The following NMU variants were observed in gnomAD, a reference collection of about 807,000 sequenced individuals.
The protein encoded by NMU is neuromedin-U.
NMU carries 29 observed loss-of-function variants against 35.4 expected under a neutral mutation model. The ratio of observed to expected loss-of-function variants is 0.82; its 90% CI spans 0.61 to 1.12. The LOEUF is 1.12. NMU is among the 50% of genes most tolerant of loss of function. NMU has a pLI of 0.00. For missense variants in NMU, 199 were observed against 206.2 expected (o/e 0.97, Z 0.21); for synonymous variants, 78 against 81.3 (o/e 0.96, Z 0.22).
At chr4:55,599,109 A>C (rs752932714) in intron 9 of NMU, 33 bp downstream of exon 9, 9 of 1,430,280 alleles carry the variant, frequency 6.3e-6, no homozygotes, top group Non-Finnish European at 8.8e-6. Context: ...ATACTATTTT[A>C]TTTATTTATT....
Position 55,600,391 on chromosome 4 carries a change from A to C in NMU, c.489+131T>G, listed in dbSNP as rs1256872450. On this transcript the variant is annotated intron_variant, in intron 8 of 9. Coordinates refer to ENST00000264218, the MANE Select transcript of NMU (RefSeq NM_006681.4). ...TAAGGTGGTGACAGAAGTGAATGTC[A>C]GACTGTAACACCTGATGCCAAACAT... 9.4e-5 allele frequency: 62 copies of C among 661,274 alleles called. No individual in the cohort carries two copies. In the East Asian group the frequency reaches 1.7e-3, roughly 18 times the overall value. The allele number at this position is 661,274 out of a possible 1,614,324, so 41.0% of individuals were successfully genotyped here. A position where few individuals can be genotyped will look rare whatever the true frequency, so the allele number is the denominator to read the frequency against.
chr4:55,635,560 C>G (rs550832339), intron 1 of NMU, among the ~76,000 whole-genome samples: 193 of 152,254 alleles, frequency 1.3e-3, no homozygotes, highest in African/African-American at 4.5e-3. Context: ...GCGTGGGGCC[C>G]GTTGTACCGC....
chr4:55,625,181 A>AAAG (rs1457855702), intron 2 of NMU, among the ~76,000 whole-genome samples: 1 of 149,040 alleles, frequency 6.7e-6, no homozygotes, highest in Non-Finnish European at 1.5e-5. Flanking sequence ...AAAAAAAAAA[A>AAAG]AAAAAAAAAA....
intron 3 of NMU, among the ~76,000 whole-genome samples, chr4:55,610,860 T>G (rs1733903378): frequency 6.6e-6 from 1 of 152,222 alleles, no homozygotes; most frequent in African/African-American, 2.4e-5. Context: ...TAGTCACATC[T>G]TAATGATCCT....
At chr4:55,615,133 G>A (rs1734066367) in intron 3 of NMU, among the ~76,000 whole-genome samples, 1 of 152,238 alleles carries the variant, frequency 6.6e-6, no homozygotes, top group Non-Finnish European at 1.5e-5. Context: ...GCAGCATCCA[G>A]TAAAGACAAT....
chr4:55,607,527 C>A, intron 4 of NMU, 61 bp from the exon 5 acceptor site: 1 of 597,388 alleles, frequency 1.7e-6, no homozygotes, highest in Non-Finnish European at 2.9e-6. Context: ...ATCTTATATA[C>A]AGTAATTTTA....
chr4:55,625,920 C>T (rs1734509447), intron 2 of NMU, among the ~76,000 whole-genome samples: 1 of 151,992 alleles, frequency 6.6e-6, no homozygotes, highest in Non-Finnish European at 1.5e-5. Flanking sequence ...TGACAGACAG[C>T]TGGGTTTCCT....
intron 2 of NMU, among the ~76,000 whole-genome samples, chr4:55,618,638 C>A (rs988156592): frequency 6.9e-5 from 10 of 144,298 alleles, no homozygotes; most frequent in African/African-American, 2.1e-4. Context: ...TCTTTCTTTT[C>A]TTCTCTCTTT....
rs1420325191 is a variant in NMU, at chr4:55,633,003, A to T, written c.113-2543T>A. 3.4e-4 allele frequency among the ~76,000 whole-genome samples: 21 copies of T among 60,872 alleles called. 1 individual carries two copies. The highest frequency in any genetic ancestry group is 1.1e-3 in the African/African-American group (16 of 15,194). The allele number at this position is 60,872 out of a possible 152,430, so 39.9% of individuals were successfully genotyped here. On this transcript the variant is annotated intron_variant, in intron 1 of 9. Transcript: ENST00000264218. ...AAAAAAAGGAGAGGAAACAAAATTA[A>T]AAAAAAATTCTATAATTTATAGAAA... is the stretch of plus-strand genomic sequence containing the variant.
At chr4:55,617,562 C>T (rs1282346975) in intron 2 of NMU, among the ~76,000 whole-genome samples, 16 of 151,916 alleles carry the variant, frequency 1.1e-4, no homozygotes, top group Admixed American at 1.1e-3. Flanking sequence ...CGTGTTATCG[C>T]TAAATTGCCC....
chr4:55,604,722 G>A (rs530571189), intron 7 of NMU, among the ~76,000 whole-genome samples: 4 of 90,428 alleles, frequency 4.4e-5, no homozygotes, highest in Non-Finnish European at 6.0e-5. Context: ...TAGTAGGGAC[G>A]GGGTTTCGCC....
intron 7 of NMU, 136 bp from the exon 8 acceptor site, chr4:55,600,711 G>T: frequency 1.5e-6 from 1 of 647,984 alleles, no homozygotes; most frequent in Non-Finnish European, 2.8e-6. Flanking sequence ...GACTTGAATA[G>T]AGAATTTTTG....
At chr4:55,601,379 C>T (rs1733415810) in intron 7 of NMU, among the ~76,000 whole-genome samples, 1 of 152,030 alleles carries the variant, frequency 6.6e-6, no homozygotes, top group Admixed American at 6.6e-5. Context: ...AATATGAATA[C>T]AATCATATTA....
At chr4:55,635,010 G>A (rs1715832082) in intron 1 of NMU, among the ~76,000 whole-genome samples, 2 of 152,154 alleles carry the variant, frequency 1.3e-5, no homozygotes, top group Non-Finnish European at 2.9e-5. Context: ...ATCTCTAATT[G>A]AGGGCTGGAC....
chr4:55,613,454 C>G (rs1019461175), intron 3 of NMU, among the ~76,000 whole-genome samples: 1 of 152,132 alleles, frequency 6.6e-6, no homozygotes, highest in East Asian at 1.9e-4. Flanking sequence ...AACCTTAAAT[C>G]TGAGTACAAC....
chr4:55,628,862 T>C (rs1734646764), intron 2 of NMU, among the ~76,000 whole-genome samples: 1 of 152,122 alleles, frequency 6.6e-6, no homozygotes, highest in African/African-American at 2.4e-5. Context: ...TTTAGCAGAA[T>C]GCTTAGCTTA....
chr4:55,606,266 G>T (rs1315263230), intron 6 of NMU, among the ~76,000 whole-genome samples: 1 of 152,148 alleles, frequency 6.6e-6, no homozygotes, highest in South Asian at 2.1e-4. Flanking sequence ...CACAAGTGTG[G>T]AAATAGTATT....
intron 3 of NMU, among the ~76,000 whole-genome samples, chr4:55,610,073 G>A (rs1733867152): frequency 6.6e-6 from 1 of 152,100 alleles, no homozygotes; most frequent in Non-Finnish European, 1.5e-5. Flanking sequence ...GCTCTAAGTC[G>A]GGGATGACAT....
chr4:55,633,533 CTG>C, intron 1 of NMU, among the ~76,000 whole-genome samples: 1 of 152,208 alleles, frequency 6.6e-6, no homozygotes, highest in Middle Eastern at 3.4e-3. Flanking sequence ...ATCATAAAAA[CTG>C]TACTGTTTTT....
Sources: gnomAD v4.1 joint callset for allele counts (sites outside exome capture counted in the v4.1 genomes callset) on GRCh38, gnomAD v4.1.1 for gene constraint, MANE v1.5 for transcripts, NCBI Gene and HGNC (gene_info 2026-07-23, HGNC 2026-07-21) for gene names.